TAPT1: variants seen among roughly 807,000 people sequenced by gnomAD.
TAPT1 encodes transmembrane anterior posterior transformation 1, also known as transmembrane anterior posterior transformation protein 1 homolog.
A neutral mutation model predicts 65.6 loss-of-function variants in TAPT1; 28 were observed. The ratio of observed to expected loss-of-function variants is 0.43; its 90% CI spans 0.32 to 0.59. The LOEUF (loss-of-function observed/expected upper bound fraction) is 0.59. TAPT1 is among the 20% of genes least tolerant of loss of function. The pLI is 0.09. For missense variants in TAPT1, 563 were observed against 679.9 expected, an observed-to-expected ratio of 0.83 and a Z score of 1.91; for synonymous variants, 278 against 245.2, an observed-to-expected ratio of 1.13 and a Z score of -1.25.
chr4:16,197,742 C>T (rs1040713857), intron 3 of TAPT1, among the ~76,000 whole-genome samples: 2 of 152,142 alleles, frequency 1.3e-5, no homozygotes, highest in Admixed American at 6.5e-5. Flanking sequence ...AGATTATCCT[C>T]GTTCAAGAAG....
chr4:16,213,323 T>C (rs570874224), intron 2 of TAPT1, among the ~76,000 whole-genome samples: 1 of 152,224 alleles, frequency 6.6e-6, no homozygotes, highest in South Asian at 2.1e-4. Context: ...ACAAACCATC[T>C]TTTTCTTTGA....
chr4:16,166,724 G>A lies in TAPT1; in HGVS notation c.1383C>T (p.Ala461=), dbSNP rs1441386462. 3 of 1,613,944 alleles carry A rather than the reference G, an allele frequency of 1.9e-6. No individual in the cohort carries two copies. The highest frequency in any genetic ancestry group is 2.5e-6 in the Non-Finnish European group (3 of 1,179,884). ...LGKSCQYVKE[A]KMEEKLSNPP... is the part of the protein sequence containing the mutation. ...GATTCGACAGCTTCTCTTCCATTTT[G>A]GCTTCCTTCACATACTGGCACGATT... The change falls in exon 13 of 14, where the codon GCC becomes GCT. Residue 461 remains alanine (A), a synonymous_variant. Transcript: ENST00000405303.
At chr4:16,216,633 G>C (rs1401376898) in intron 1 of TAPT1, among the ~76,000 whole-genome samples, 1 of 152,122 alleles carries the variant, frequency 6.6e-6, no homozygotes, top group Non-Finnish European at 1.5e-5. Flanking sequence ...GGCCAATCTT[G>C]ACAATCCCCT....
At chr4:16,209,271 A>G (rs1195151692) in intron 2 of TAPT1, among the ~76,000 whole-genome samples, 1 of 151,990 alleles carries the variant, frequency 6.6e-6, no homozygotes, top group African/African-American at 2.4e-5. Context: ...TAAATTCTTC[A>G]TATTTTATTT....
chr4:16,196,964 A>G (rs1234895729), intron 3 of TAPT1, among the ~76,000 whole-genome samples: 6 of 152,206 alleles, frequency 3.9e-5, no homozygotes, highest in Non-Finnish European at 8.8e-5. Context: ...TGGTGGCATC[A>G]ATCACTTAGG....
chr4:16,198,207 C>A (rs557085312), intron 3 of TAPT1, among the ~76,000 whole-genome samples: 1 of 152,220 alleles, frequency 6.6e-6, no homozygotes, highest in Non-Finnish European at 1.5e-5. Flanking sequence ...AAAACCATGG[C>A]AAGTTTGCAG....
At chr4:16,203,291 G>A (rs1001955771) in intron 2 of TAPT1, among the ~76,000 whole-genome samples, 3 of 152,142 alleles carry the variant, frequency 2.0e-5, no homozygotes, top group Admixed American at 1.3e-4. Context: ...CACAATTATG[G>A]TATGATACAT....
At chr4:16,178,351 T>C (rs1479359827) in intron 8 of TAPT1, among the ~76,000 whole-genome samples, 2 of 152,220 alleles carry the variant, frequency 1.3e-5, no homozygotes, top group Non-Finnish European at 2.9e-5. Context: ...TTTTATATGT[T>C]TTTGATTTTT....
chr4:16,164,461 C>G lies in TAPT1; in HGVS notation c.1475-924G>C, dbSNP rs78346854. Among the ~76,000 whole-genome samples the G allele has an allele frequency of 8.4e-4, 128 of 152,332 alleles. 2 individuals are homozygous for G. The highest frequency in any genetic ancestry group is 3.0e-3 in the African/African-American group (124 of 41,570). On this transcript the variant is annotated intron_variant, in intron 13 of 13. Transcript: ENST00000405303. ...CTCCAAGACATTCTGAGCAAACACT[C>G]AGGTCGTCATCCTGAATGTACTTCT...
chr4:16,172,964 C>T (rs1748100585), intron 11 of TAPT1, among the ~76,000 whole-genome samples: 1 of 151,944 alleles, frequency 6.6e-6, no homozygotes, highest in Non-Finnish European at 1.5e-5. Context: ...GCTGAAATTA[C>T]AGGCGCCTGC....
rs1292675823 is a variant in TAPT1 at position 16,188,370 on chromosome 4, T to A, written c.613-15A>T. 2.0e-6 allele frequency: 3 copies of A among 1,528,250 alleles called. No individual in the cohort carries two copies. The highest frequency in any genetic ancestry group is 2.6e-6 in the Non-Finnish European group (3 of 1,137,926). 94.7% of individuals were successfully genotyped at this position (1,528,250 alleles called of 1,614,324 possible). On this transcript the variant is annotated splice_polypyrimidine_tract_variant and intron_variant, in intron 4 of 13. Coordinates refer to ENST00000405303, the MANE Select transcript of TAPT1 (RefSeq NM_153365.3). ...CGATCAGCTACCTAAAAAAAAAAAT[T>A]ATTTGTAAGATGTTTCTTAATATTC...
chr4:16,169,112 C>G (rs1747827500), intron 12 of TAPT1, among the ~76,000 whole-genome samples: 1 of 152,068 alleles, frequency 6.6e-6, no homozygotes, highest in African/African-American at 2.4e-5. Context: ...TAGGAATCAT[C>G]CTGAGATGAG....
intron 3 of TAPT1, chr4:16,196,782 C>T (rs1271615355): frequency 1.1e-6 from 1 of 917,562 alleles, no homozygotes; most frequent in Non-Finnish European, 1.5e-6. Context: ...CTACTTAGAG[C>T]TCCATGGTGA....
At chr4:16,177,121 A>G (rs747917852) in intron 8 of TAPT1, among the ~76,000 whole-genome samples, 4 of 152,244 alleles carry the variant, frequency 2.6e-5, no homozygotes, top group African/African-American at 4.8e-5. Context: ...TGTATTTCAA[A>G]ATAGGTAGAA....
At chr4:16,187,300 G>A (rs1486386306) in intron 5 of TAPT1, among the ~76,000 whole-genome samples, 1 of 152,070 alleles carries the variant, frequency 6.6e-6, no homozygotes, top group Non-Finnish European at 1.5e-5. Flanking sequence ...AAAAAAGAAA[G>A]CACAAAATAT....
In TAPT1 at chr4:16,163,496, G is replaced by C; in HGVS notation, c.1516C>G (p.Gln506Glu). The C allele has an allele frequency of 1.2e-6, 2 of 1,613,970 alleles. No individual in the cohort carries two copies. Among genetic ancestry groups the C allele is most frequent in the Non-Finnish European group, 1.7e-6 (2 of 1,179,864 alleles). Residue 506 changes from glutamine to glutamate, a missense_variant, in exon 14 of 14, where the codon CAA (glutamine) becomes GAA (glutamate). Gln to Glu is a conservative substitution (Grantham distance 29). Coordinates refer to ENST00000405303, the MANE Select transcript of TAPT1 (RefSeq NM_153365.3). ...EENLSASITK[Q>E]PIHQKENIIP... is the part of the protein sequence containing the mutation. ...ATATTTTCCTTTTGATGAATAGGTT[G>C]TTTGGTGATGGAGGCAGACAGGTTT...
chr4:16,209,891 G>A (rs918937331), intron 2 of TAPT1, among the ~76,000 whole-genome samples: 1 of 152,214 alleles, frequency 6.6e-6, no homozygotes, highest in African/African-American at 2.4e-5. Context: ...GAGGTGGGAT[G>A]TAAGTGTCCA....
intron 2 of TAPT1, among the ~76,000 whole-genome samples, chr4:16,204,553 A>G (rs1306735673): frequency 2.0e-5 from 3 of 152,278 alleles, no homozygotes; most frequent in African/African-American, 7.2e-5. Context: ...TTATAAGTGA[A>G]AACAATAAAA....
At position 16,191,501 on chromosome 4, in the gene TAPT1, C is replaced by A. The variant is rs2149692914; in HGVS notation, c.472G>T (p.Ala158Ser). 1.3e-6 allele frequency: 2 copies of A among 1,560,428 alleles called. No individual in the cohort carries two copies. The highest frequency in any genetic ancestry group is 1.7e-6 in the Non-Finnish European group (2 of 1,151,642). The change falls in exon 4 of 14, where the codon GCC becomes TCC. Residue 158 changes from alanine (A) to serine (S), a missense_variant. Coordinates refer to ENST00000405303, the MANE Select transcript of TAPT1 (RefSeq NM_153365.3). ...GLRDRRLLQP[A>S]QVCDILKGVI... ...CCCTTCAAAATGTCACACACCTGGG[C>A]AGGCTGAAGCAAACGTCTGTCCCTG...
Sources: allele counts gnomAD v4.1 joint callset (sites outside exome capture counted in the v4.1 genomes callset), GRCh38; gene constraint gnomAD v4.1.1; transcripts MANE v1.5; gene names NCBI Gene and HGNC (gene_info 2026-07-23, HGNC 2026-07-21).